Variants in KCND2 observed in about 807,000 individuals in gnomAD.
The protein encoded by KCND2 is A-type voltage-gated potassium channel KCND2.
A neutral mutation model predicts 54.4 loss-of-function variants in KCND2; 16 were observed. The ratio of observed to expected loss-of-function variants is 0.29; its 90% CI spans 0.20 to 0.45. The LOEUF is 0.45. Ranked by LOEUF, KCND2 falls within the 20% of genes least tolerant of loss-of-function variation. KCND2 has a pLI of 1.00. For synonymous variants in KCND2, 317 were observed against 310.7 expected (o/e 1.02, Z -0.21); for missense variants, 486 against 824.2 (o/e 0.59, Z 5.02).
At chr7:120,488,368 A>G (rs948371986) in intron 1 of KCND2, among the ~76,000 whole-genome samples, 3 of 152,216 alleles carry the variant, frequency 2.0e-5, no homozygotes. Flanking sequence ...TTGGTGATAT[A>G]AAATAAGATG....
intron 1 of KCND2, among the ~76,000 whole-genome samples, chr7:120,694,443 A>G (rs910235149): frequency 6.6e-6 from 1 of 152,302 alleles, no homozygotes; most frequent in Middle Eastern, 3.4e-3. Flanking sequence ...CCTTTCTTCT[A>G]TTGAAAAGGG....
intron 1 of KCND2, among the ~76,000 whole-genome samples, chr7:120,569,128 A>G (rs932048886): frequency 3.3e-5 from 5 of 152,120 alleles, no homozygotes; most frequent in African/African-American, 9.7e-5. Flanking sequence ...TTATCTTTAA[A>G]TGTACCCATA....
intron 1 of KCND2, among the ~76,000 whole-genome samples, chr7:120,391,843 A>G (rs972794437): frequency 1.3e-5 from 2 of 152,028 alleles, no homozygotes; most frequent in African/African-American, 4.8e-5. Context: ...TAGATTGTGA[A>G]AAGTTTCTCC....
At chr7:120,414,192 G>A (rs546362306) in intron 1 of KCND2, among the ~76,000 whole-genome samples, 1 of 152,124 alleles carries the variant, frequency 6.6e-6, no homozygotes, top group Non-Finnish European at 1.5e-5. Context: ...TGACAAAAAA[G>A]ATGCACTATA....
At chr7:120,704,662 C>A (rs1280968316) in intron 1 of KCND2, among the ~76,000 whole-genome samples, 3 of 152,170 alleles carry the variant, frequency 2.0e-5, no homozygotes, top group Non-Finnish European at 4.4e-5. Context: ...TAAATGACCA[C>A]ATTTTGTATC....
chr7:120,648,084 G>T (rs571064874), intron 1 of KCND2, among the ~76,000 whole-genome samples: 1 of 152,026 alleles, frequency 6.6e-6, no homozygotes, highest in African/African-American at 2.4e-5. Flanking sequence ...ATAAAAATAG[G>T]TTTTTCTGTC....
At chr7:120,658,054 T>C (rs1009026983) in intron 1 of KCND2, among the ~76,000 whole-genome samples, 13 of 152,208 alleles carry the variant, frequency 8.5e-5, no homozygotes, top group Admixed American at 6.5e-4. Context: ...TAGCTTCTGG[T>C]CTGTATGCTA....
chr7:120,686,181 A>G (rs966483711), intron 1 of KCND2, among the ~76,000 whole-genome samples: 2 of 152,158 alleles, frequency 1.3e-5, no homozygotes, highest in African/African-American at 2.4e-5. Flanking sequence ...GATTTTTTCC[A>G]TATCTTGGCT....
chr7:120,529,431 A>G (rs953938972), intron 1 of KCND2, among the ~76,000 whole-genome samples: 6 of 152,124 alleles, frequency 3.9e-5, no homozygotes, highest in Admixed American at 3.3e-4. Context: ...CTTCCAGTTG[A>G]GTTTGAAATG....
chr7:120,328,172 G>C (rs1389724425), intron 1 of KCND2, among the ~76,000 whole-genome samples: 1 of 152,130 alleles, frequency 6.6e-6, no homozygotes, highest in African/African-American at 2.4e-5. Context: ...TTTATTGATA[G>C]AGTTTCCATT....
intron 1 of KCND2, among the ~76,000 whole-genome samples, chr7:120,359,331 T>A (rs535061815): frequency 1.5e-4 from 23 of 152,252 alleles, no homozygotes; most frequent in African/African-American, 5.5e-4. Flanking sequence ...GGAAGGAAAT[T>A]GTTATAAATT....
At chr7:120,311,048 T>TATA (rs754072537) in intron 1 of KCND2, among the ~76,000 whole-genome samples, 2 of 152,128 alleles carry the variant, frequency 1.3e-5, no homozygotes, top group African/African-American at 2.4e-5. Flanking sequence ...TGTGTATATA[T>TATA]AATAGTGAAG....
At chr7:120,566,574 G>A (rs1374676570) in intron 1 of KCND2, among the ~76,000 whole-genome samples, 1 of 151,996 alleles carries the variant, frequency 6.6e-6, no homozygotes, top group Non-Finnish European at 1.5e-5. Context: ...TCCAACCCCT[G>A]GGTTCAGGCA....
intron 1 of KCND2, among the ~76,000 whole-genome samples, chr7:120,631,032 T>C (rs7804315): frequency 0.39 from 59,195 of 151,978 alleles, 13,603 homozygotes; most frequent in African/African-American, 0.62. Flanking sequence ...ACAACTGCTT[T>C]CAAAACTGTT....
At chr7:120,523,680 C>CACAGATAT (rs1791729751) in intron 1 of KCND2, among the ~76,000 whole-genome samples, 1 of 140,268 alleles carries the variant, frequency 7.1e-6, no homozygotes, top group Non-Finnish European at 1.5e-5. Context: ...TATATTTATA[C>CACAGATAT]ACAGATATAC....
At chr7:120,331,807 C>G (rs1337705241) in intron 1 of KCND2, among the ~76,000 whole-genome samples, 1 of 152,020 alleles carries the variant, frequency 6.6e-6, no homozygotes. Context: ...CTCCAAAGAA[C>G]TCTCAAAAAT....
chr7:120,309,550 G>GACAC (rs200135604), intron 1 of KCND2, among the ~76,000 whole-genome samples: 1,733 of 134,532 alleles, frequency 0.013, 38 homozygotes, highest in African/African-American at 0.044. Flanking sequence ...ACCCCCCACA[G>GACAC]ACACACACAC....
At chr7:120,309,189 C>T (rs1264150139) in intron 1 of KCND2, among the ~76,000 whole-genome samples, 1 of 151,942 alleles carries the variant, frequency 6.6e-6, no homozygotes, top group Non-Finnish European at 1.5e-5. Flanking sequence ...AGAGCTAGAC[C>T]TTGCGATCCC....
In KCND2 at chr7:120,747,973, T is replaced by G; in HGVS notation, c.*115T>G. ...AGATTAATGCAGCAAAGAAAGAAGG[T>G]TGGTAGTGAAACACAAAGCTTCCAA... On this transcript the variant is annotated 3_prime_UTR_variant, in exon 6 of 6. Coordinates refer to ENST00000331113, the MANE Select transcript of KCND2 (RefSeq NM_012281.3). 1 of 873,526 alleles carries G rather than the reference T, an allele frequency of 1.1e-6. No homozygotes were observed. The highest frequency in any genetic ancestry group is 2.2e-5 in the Admixed American group (1 of 45,296). The allele number at this position is 873,526 out of a possible 1,614,324, so 54.1% of individuals were successfully genotyped here.
Sources: allele counts gnomAD v4.1 joint callset (sites outside exome capture counted in the v4.1 genomes callset), GRCh38; gene constraint gnomAD v4.1.1; transcripts MANE v1.5; gene names NCBI Gene and HGNC (gene_info 2026-07-23, HGNC 2026-07-21).